Variants in CNBP observed in about 807,000 individuals in gnomAD.
CNBP encodes CCHC-type zinc finger nucleic acid binding protein.
In CNBP, 6 loss-of-function variants were observed where a neutral mutation model predicts 21.2. The observed-to-expected ratio is 0.28, with a 90% CI of 0.16 to 0.56. The LOEUF is 0.56. Among genes scored for constraint, CNBP ranks in the 20% least tolerant of loss-of-function variants. The probability of loss-of-function intolerance (pLI) is 0.93; values close to 1 mark genes in which losing one functional copy is unlikely to be tolerated. For missense variants in CNBP, 112 were observed against 233.1 expected (o/e 0.48, Z 3.38); for synonymous variants, 61 against 74.9 (o/e 0.81, Z 0.96).
intron 1 of CNBP, among the ~76,000 whole-genome samples, chr3:129,180,177 TAAG>T (rs1239348057): frequency 2.0e-5 from 3 of 151,276 alleles, no homozygotes; most frequent in African/African-American, 7.3e-5. Context: ...ATCTAGTAAC[TAAG>T]AAAAAAAAAA....
At chr3:129,172,577 CA>C (rs1937603389) in intron 1 of CNBP, among the ~76,000 whole-genome samples, 1 of 12,952 alleles carries the variant, frequency 7.7e-5, no homozygotes, top group East Asian at 6.7e-3. Context: ...GTGAGACAGA[CA>C]GGCAGGCAGG....
At chr3:129,179,515 A>G (rs1049141304) in intron 1 of CNBP, among the ~76,000 whole-genome samples, 4 of 152,182 alleles carry the variant, frequency 2.6e-5, no homozygotes, top group Non-Finnish European at 4.4e-5. Context: ...ATTAGTAAAC[A>G]TATCTATAAT....
rs1324188017 is a variant in CNBP at position 129,169,355 on chromosome 3, T to A, written c.*1098A>T. The stretch of plus-strand genomic sequence containing the variant: ...TGAACACAGAACTCAAGGGCATTAT[T>A]ATAACAGATTACAAAGTGAATTTTC... On this transcript the variant is annotated 3_prime_UTR_variant, in exon 5 of 5. Transcript: ENST00000422453. 1 of 191,718 alleles carries A rather than the reference T, an allele frequency of 5.2e-6. No homozygotes were observed. Among genetic ancestry groups the A allele is most frequent in the Non-Finnish European group, 1.1e-5 (1 of 91,704 alleles). The allele number at this position is 191,718 out of a possible 1,614,324, so 11.9% of individuals were successfully genotyped here. A position where few individuals can be genotyped will look rare whatever the true frequency, so the allele number is the denominator to read the frequency against.
rs1001384790 is a variant in CNBP at position 129,168,323 on chromosome 3, TCCA to T, written c.*2127_*2129del. Among the ~76,000 whole-genome samples, 51 of 151,948 alleles carry T rather than the reference TCCA, an allele frequency of 3.4e-4. No individual in the cohort carries two copies. The highest frequency in any genetic ancestry group is 1.2e-3 in the African/African-American group (50 of 41,344). The stretch of plus-strand genomic sequence containing the variant: ...ATGAGACACTAGCAAAAACAAGGAA[TCCA>T]CCACTTCAGATCCTTATGAAACCCA... On this transcript the variant is annotated 3_prime_UTR_variant, in exon 5 of 5. Transcript: ENST00000422453.
rs559777131 is a variant in CNBP at position 129,169,472 on chromosome 3, C to A, written c.*981G>T. ...TGACTTAAGTACAAAAAGAAAAGTC[C>A]AAACTGTCAGCTTTCAGTCCTCCAC... On this transcript the variant is annotated 3_prime_UTR_variant, in exon 5 of 5. Transcript: ENST00000422453. The A allele has an allele frequency of 8.6e-5, 17 of 197,906 alleles. No homozygotes were observed. The South Asian group carries it at 3.1e-3, about 36-fold the overall frequency. The allele number at this position is 197,906 out of a possible 1,614,324, so 12.3% of individuals were successfully genotyped here.
chr3:129,179,377 C>T (rs759933205), intron 1 of CNBP, among the ~76,000 whole-genome samples: 27 of 152,114 alleles, frequency 1.8e-4, no homozygotes, highest in Non-Finnish European at 3.1e-4. Context: ...AGTACTTACT[C>T]GGGAGCAATT....
At position 129,171,780 on chromosome 3, in the gene CNBP, T is replaced by C. The variant is rs1230734513; in HGVS notation, c.-14-9A>G. ...CATGGCTGCAGTCAGATCTTTGAAATATTAAAAGTAACAGCATTAAACCAC... is the reference window on the plus strand; with the variant it reads ...CATGGCTGCAGTCAGATCTTTGAAACATTAAAAGTAACAGCATTAAACCAC... On this transcript the variant is annotated splice_polypyrimidine_tract_variant and intron_variant, in intron 1 of 4. Transcript: ENST00000422453. The C allele has an allele frequency of 1.9e-6, 3 of 1,606,980 alleles. No homozygotes were observed. The highest frequency in any genetic ancestry group is 2.5e-6 in the Non-Finnish European group (3 of 1,176,768).
At chr3:129,170,654 G>A (rs1015843560) in intron 4 of CNBP, 84 bp from the exon 5 acceptor site, 44 of 1,031,076 alleles carry the variant, frequency 4.3e-5, no homozygotes, top group African/African-American at 6.4e-5. Flanking sequence ...AGAACAAAAC[G>A]CCTGATCTTT....
At chr3:129,171,588 C>A (rs199646134) in intron 2 of CNBP, 46 bp downstream of exon 2, 1 of 1,614,132 alleles carries the variant, frequency 6.2e-7, no homozygotes, top group East Asian at 2.2e-5. Context: ...AGTCTTGATA[C>A]TAACAAATAC....
At chr3:129,173,916 G>A (rs1210595311) in intron 1 of CNBP, among the ~76,000 whole-genome samples, 14 of 152,148 alleles carry the variant, frequency 9.2e-5, no homozygotes, top group Non-Finnish European at 2.9e-5. Context: ...TCCGAAAAAT[G>A]GCAAGGTTCT....
chr3:129,179,258 CAA>C (rs966196120), intron 1 of CNBP, among the ~76,000 whole-genome samples: 4 of 150,902 alleles, frequency 2.7e-5, no homozygotes, highest in Non-Finnish European at 4.4e-5. Context: ...GCCTGGGCAA[CAA>C]GAGCGAAACT....
At chr3:129,170,698 A>G (rs1225121290) in intron 4 of CNBP, 128 bp from the exon 5 acceptor site, 16 of 722,628 alleles carry the variant, frequency 2.2e-5, no homozygotes, top group Non-Finnish European at 3.9e-5. Flanking sequence ...GGTTTCACAG[A>G]TATGTACACA....
At chr3:129,170,720 C>A in intron 4 of CNBP, 150 bp from the exon 5 acceptor site, 2 of 658,914 alleles carry the variant, frequency 3.0e-6, no homozygotes, top group Non-Finnish European at 5.4e-6. Context: ...CAACATTTAT[C>A]AAATTATACA....
Position 129,168,526 on chromosome 3 carries a change from T to TGGGGGTG in CNBP, c.*1920_*1926dup, listed in dbSNP as rs1937506663. Among the ~76,000 whole-genome samples the TGGGGGTG allele has an allele frequency of 7.8e-5, 1 of 12,814 alleles. No homozygotes were observed. The highest frequency in any genetic ancestry group is 3.3e-4 in the African/African-American group (1 of 2,986). 8.4% of individuals were successfully genotyped at this position (12,814 alleles called of 152,430 possible). A position where few individuals can be genotyped will look rare whatever the true frequency, so the allele number is the denominator to read the frequency against. On this transcript the variant is annotated 3_prime_UTR_variant, in exon 5 of 5. Coordinates refer to ENST00000422453, the MANE Select transcript of CNBP (RefSeq NM_003418.5). ...GCAGGAGAATTACTTGAACGGGGTG[T>TGGGGGTG]GGGGGTGGGGGGTGGAGGTTGCAGT...
chr3:129,172,554 C>T (rs1443131743), intron 1 of CNBP, among the ~76,000 whole-genome samples: 1 of 150,764 alleles, frequency 6.6e-6, no homozygotes, highest in African/African-American at 2.5e-5. Flanking sequence ...TGCACTCCAG[C>T]CTAGGGGACA....
At chr3:129,173,327 G>A (rs1226810440) in intron 1 of CNBP, among the ~76,000 whole-genome samples, 1 of 152,192 alleles carries the variant, frequency 6.6e-6, no homozygotes, top group Non-Finnish European at 1.5e-5. Flanking sequence ...CTTGAGCATA[G>A]GAGGATTTTG....
At chr3:129,181,649 C>CAAAAAAAAAAAAAA (rs1367375702) in intron 1 of CNBP, among the ~76,000 whole-genome samples, 15,203 of 72,088 alleles carry the variant, frequency 0.21, 5,824 homozygotes, top group Middle Eastern at 0.25. Flanking sequence ...GACTCCGTCT[C>CAAAAAAAAAAAAAA]AGAAAAAAAA....
rs1345576748 is a variant in CNBP at position 129,168,538 on chromosome 3, G to A, written c.*1915C>T. Among the ~76,000 whole-genome samples the A allele has an allele frequency of 2.0e-5, 3 of 147,100 alleles. No homozygotes were observed. In the Admixed American group the frequency reaches 2.1e-4, roughly 10 times the overall value. On this transcript the variant is annotated 3_prime_UTR_variant, in exon 5 of 5. Transcript: ENST00000422453. ...CTTGAACGGGGTGTGGGGGTGGGGG[G>A]TGGAGGTTGCAGTGAGCTGAGATTG...
At chr3:129,171,884 T>G in intron 1 of CNBP, 113 bp from the exon 2 acceptor site, 1 of 1,202,500 alleles carries the variant, frequency 8.3e-7, no homozygotes, top group East Asian at 2.6e-5. Context: ...AGCTAATATA[T>G]TGGTTAAAAA....
Sources: gnomAD v4.1 joint callset for allele counts (sites outside exome capture counted in the v4.1 genomes callset) on GRCh38, gnomAD v4.1.1 for gene constraint, MANE v1.5 for transcripts, NCBI Gene and HGNC (gene_info 2026-07-23, HGNC 2026-07-21) for gene names.